Variants in SNX24 observed in about 807,000 individuals in gnomAD.
The protein encoded by SNX24 is sorting nexin 24.
In SNX24, 22 loss-of-function variants were observed where a neutral mutation model predicts 28.7. The observed-to-expected ratio is 0.77, with a 90% CI of 0.55 to 1.10. SNX24 has a LOEUF of 1.10. Among genes scored for constraint, SNX24 ranks in the 50% least tolerant of loss-of-function variants. The probability of loss-of-function intolerance (pLI) is 0.00; values close to 1 mark genes in which losing one functional copy is unlikely to be tolerated. For synonymous variants in SNX24, 69 were observed against 71.5 expected (o/e 0.96, Z 0.18); for missense variants, 221 against 201.1 (o/e 1.10, Z -0.60).
chr5:123,003,882 T>C (rs943742174), intron 6 of SNX24, among the ~76,000 whole-genome samples: 2 of 152,220 alleles, frequency 1.3e-5, no homozygotes, highest in African/African-American at 4.8e-5. Context: ...ATGGGAGGTA[T>C]GGAAGGACCA....
At position 123,007,962 on chromosome 5, in the gene SNX24, C is replaced by T; in HGVS notation, c.*213C>T. The T allele has an allele frequency of 3.9e-6, 5 of 1,286,512 alleles. No homozygotes were observed. Among genetic ancestry groups the T allele is most frequent in the Non-Finnish European group, 4.9e-6 (5 of 1,012,800 alleles). The allele number at this position is 1,286,512 out of a possible 1,614,324, so 79.7% of individuals were successfully genotyped here. On this transcript the variant is annotated 3_prime_UTR_variant, in exon 7 of 7. Coordinates refer to ENST00000261369, the MANE Select transcript of SNX24 (RefSeq NM_014035.4). ...ACCGGGGCGGTGGTCAGGCTAAGGC[C>T]AAGTGTTTAAGAAGTAGAGTGTAGC...
At chr5:122,866,147 G>A (rs1211038393) in intron 1 of SNX24, among the ~76,000 whole-genome samples, 1 of 152,164 alleles carries the variant, frequency 6.6e-6, no homozygotes, top group African/African-American at 2.4e-5. Context: ...AGCTGGCATT[G>A]TTTATTTATG....
At chr5:122,892,271 A>T (rs1757006160) in intron 1 of SNX24, among the ~76,000 whole-genome samples, 1 of 151,974 alleles carries the variant, frequency 6.6e-6, no homozygotes, top group Non-Finnish European at 1.5e-5. Flanking sequence ...TTTTAGTTGA[A>T]GCCTCAGAAA....
intron 1 of SNX24, among the ~76,000 whole-genome samples, chr5:122,919,404 G>T (rs1329108110): frequency 6.6e-6 from 1 of 152,174 alleles, no homozygotes; most frequent in Non-Finnish European, 1.5e-5. Context: ...AGAATATAAA[G>T]AATTGTGTTA....
intron 2 of SNX24, among the ~76,000 whole-genome samples, chr5:122,937,992 C>A (rs906142158): frequency 6.6e-6 from 1 of 152,112 alleles, no homozygotes; most frequent in Non-Finnish European, 1.5e-5. Flanking sequence ...ACCAGCACCC[C>A]CTGCCTTGCC....
intron 1 of SNX24, among the ~76,000 whole-genome samples, chr5:122,907,865 G>T (rs1181589019): frequency 2.0e-5 from 3 of 151,650 alleles, no homozygotes; most frequent in African/African-American, 7.3e-5. Flanking sequence ...AGTATAACTG[G>T]GCAGTTATAG....
chr5:122,920,647 C>T (rs246268), intron 1 of SNX24, among the ~76,000 whole-genome samples: 117,073 of 152,124 alleles, frequency 0.77, 45,924 homozygotes, highest in East Asian at 0.99. Flanking sequence ...CATCAAATCC[C>T]CAGATGTTAT....
chr5:122,991,849 A>T (rs1190133801), intron 3 of SNX24, among the ~76,000 whole-genome samples: 1 of 152,192 alleles, frequency 6.6e-6, no homozygotes, highest in African/African-American at 2.4e-5. Context: ...TATATTTGTA[A>T]GAATTAGTTG....
chr5:123,020,912 G>A (rs1232255750), intron 5 of SNX24, among the ~76,000 whole-genome samples: 3 of 152,166 alleles, frequency 2.0e-5, no homozygotes, highest in Non-Finnish European at 4.4e-5. Context: ...ACATGACTGA[G>A]GTCCAGCACC....
At chr5:122,918,281 C>G (rs138435496) in intron 1 of SNX24, among the ~76,000 whole-genome samples, 17 of 151,992 alleles carry the variant, frequency 1.1e-4, no homozygotes, top group Non-Finnish European at 1.9e-4. Context: ...TATAACAGGG[C>G]AGTGGACACC....
chr5:122,889,697 GTGTATATATA>G (rs1352382796), intron 1 of SNX24, among the ~76,000 whole-genome samples: 1 of 129,664 alleles, frequency 7.7e-6, no homozygotes, highest in Non-Finnish European at 1.6e-5. Context: ...GTATATGTAT[GTGTATATATA>G]TGTATATATA....
At chr5:123,027,899 G>T (rs1487298215) in intron 5 of SNX24, among the ~76,000 whole-genome samples, 1 of 152,176 alleles carries the variant, frequency 6.6e-6, no homozygotes, top group African/African-American at 2.4e-5. Context: ...TATGGAGCTG[G>T]ATAGCTATAA....
chr5:122,847,703 A>G (rs1754707484), intron 1 of SNX24, among the ~76,000 whole-genome samples: 1 of 152,130 alleles, frequency 6.6e-6, no homozygotes. Flanking sequence ...CATGTTGCCC[A>G]GGCTAGTCTT....
chr5:122,918,685 G>A (rs998394452), intron 1 of SNX24, among the ~76,000 whole-genome samples: 1 of 152,122 alleles, frequency 6.6e-6, no homozygotes, highest in South Asian at 2.1e-4. Flanking sequence ...ATGTGGTGAT[G>A]ATCTAATTTA....
At chr5:122,890,980 G>T (rs1018401613) in intron 1 of SNX24, 2 of 1,398,654 alleles carry the variant, frequency 1.4e-6, no homozygotes, top group South Asian at 1.8e-5. Flanking sequence ...TAGTATATAA[G>T]AGTATGAAGT....
chr5:122,870,546 G>T (rs553174617), intron 1 of SNX24, among the ~76,000 whole-genome samples: 1 of 152,342 alleles, frequency 6.6e-6, no homozygotes, highest in African/African-American at 2.4e-5. Context: ...GGCTGCAAAA[G>T]TAGTGACAGT....
At chr5:122,926,555 G>C (rs929838766) in intron 1 of SNX24, among the ~76,000 whole-genome samples, 3 of 152,162 alleles carry the variant, frequency 2.0e-5, no homozygotes, top group African/African-American at 7.2e-5. Context: ...CAACAGCCTT[G>C]TCTAGTATTA....
At chr5:122,946,608 A>C (rs948378793) in intron 3 of SNX24, among the ~76,000 whole-genome samples, 3 of 152,136 alleles carry the variant, frequency 2.0e-5, no homozygotes, top group African/African-American at 7.2e-5. Flanking sequence ...GGAATGTATA[A>C]AAATTGCCGA....
intron 1 of SNX24, among the ~76,000 whole-genome samples, chr5:122,879,457 G>T (rs946989129): frequency 1.5e-4 from 23 of 152,188 alleles, no homozygotes; most frequent in African/African-American, 5.3e-4. Context: ...TTTCAGCTCA[G>T]TTGAGGAATA....
Sources: gnomAD v4.1 joint callset for allele counts (sites outside exome capture counted in the v4.1 genomes callset) on GRCh38, gnomAD v4.1.1 for gene constraint, MANE v1.5 for transcripts, NCBI Gene and HGNC (gene_info 2026-07-23, HGNC 2026-07-21) for gene names.